The following MYO18B variants were observed in gnomAD, a reference collection of about 807,000 sequenced individuals.
MYO18B encodes unconventional myosin-XVIIIb.
In MYO18B, 204 loss-of-function variants were observed where a neutral mutation model predicts 273.0. That is an observed-to-expected ratio of 0.75 (90% CI 0.67 to 0.84). The LOEUF is 0.84. Ranked by LOEUF, MYO18B falls within the 40% of genes least tolerant of loss-of-function variation. The pLI, the probability that MYO18B is intolerant of heterozygous loss-of-function variation, is 0.00. For synonymous variants in MYO18B, 1,330 were observed against 1,305.7 expected (o/e 1.02, Z -0.40); for missense variants, 3,212 against 3,287.6 (o/e 0.98, Z 0.56).
Position 25,992,512 on chromosome 22 carries a change from G to C in MYO18B, c.6287+19G>C, listed in dbSNP as rs758266008. On this transcript the variant is annotated intron_variant, in intron 40 of 43. Transcript: ENST00000335473. ...CTGAGAGGTAACTTGCTAGGGGCTC[G>C]GCGGGGCTGGGCGCAGCAGGTGGGC... 1.2e-6 allele frequency: 2 copies of C among 1,613,310 alleles called. No individual in the cohort carries two copies. Among genetic ancestry groups the C allele is most frequent in the Non-Finnish European group, 1.7e-6 (2 of 1,179,718 alleles).
intron 39 of MYO18B, among the ~76,000 whole-genome samples, chr22:25,973,735 C>T (rs978431765): frequency 6.6e-6 from 1 of 152,228 alleles, no homozygotes; most frequent in Non-Finnish European, 1.5e-5. Context: ...TCCTTTTGTG[C>T]ATAATCCAAA....
chr22:25,834,853 A>G (rs375591882), intron 16 of MYO18B, among the ~76,000 whole-genome samples: 1 of 152,254 alleles, frequency 6.6e-6, no homozygotes, highest in African/African-American at 2.4e-5. Context: ...TAAAAAATAC[A>G]AGGACTTCTT....
At chr22:25,916,819 G>T (rs528571571) in intron 33 of MYO18B, among the ~76,000 whole-genome samples, 32 of 152,272 alleles carry the variant, frequency 2.1e-4, no homozygotes, top group African/African-American at 7.7e-4. Flanking sequence ...ATCATTTGAG[G>T]TCAGGAGTTC....
At chr22:25,853,467 G>GT (rs2090482256) in intron 21 of MYO18B, among the ~76,000 whole-genome samples, 1 of 152,196 alleles carries the variant, frequency 6.6e-6, no homozygotes, top group Non-Finnish European at 1.5e-5. Context: ...CCTTCTCTGG[G>GT]TAGTGGCCCA....
intron 34 of MYO18B, among the ~76,000 whole-genome samples, chr22:25,937,488 A>G (rs1372053599): frequency 1.3e-5 from 2 of 152,184 alleles, no homozygotes; most frequent in African/African-American, 4.8e-5. Context: ...AAAGGCACCA[A>G]GAGTAGCCAC....
At position 25,952,364 on chromosome 22, in the gene MYO18B, G is replaced by T. The variant is rs754872488; in HGVS notation, c.5911G>T (p.Val1971Phe). Residue 1971 changes from valine (V) to phenylalanine (F), a missense_variant, in exon 38 of 44, where the codon GTC (valine) becomes TTC (phenylalanine). Physicochemically the swap from Val to Phe is conservative, Grantham distance 50 (BLOSUM62 -1). Coordinates refer to ENST00000335473, the MANE Select transcript of MYO18B (RefSeq NM_032608.7). ...AGCCATCGTCAGCAGGCAGGAGGCGGTCATCTGTGACCTAGAGAACAAGAC... is the reference window on the plus strand; with the variant it reads ...AGCCATCGTCAGCAGGCAGGAGGCGTTCATCTGTGACCTAGAGAACAAGAC... ...DRAIVSRQEA[V>F]ICDLENKTEF... 6.2e-7 allele frequency: 1 copy of T among 1,612,724 alleles called. No homozygotes were observed. Among genetic ancestry groups the T allele is most frequent in the Non-Finnish European group, 8.5e-7 (1 of 1,179,462 alleles).
intron 40 of MYO18B, among the ~76,000 whole-genome samples, chr22:25,993,114 A>G (rs2093286850): frequency 6.6e-6 from 1 of 152,128 alleles, no homozygotes; most frequent in African/African-American, 2.4e-5. Flanking sequence ...TTCTCAGAAG[A>G]TAGGCTACTT....
intron 15 of MYO18B, 25 bp from the exon 16 acceptor site, chr22:25,832,888 GCTAA>G: frequency 6.3e-7 from 1 of 1,592,662 alleles, no homozygotes; most frequent in Non-Finnish European, 8.6e-7. Context: ...CGCTAAAAGT[GCTAA>G]CTTTTAAATC....
chr22:25,998,827 T>A (rs1361761680), intron 40 of MYO18B, among the ~76,000 whole-genome samples: 1 of 152,200 alleles, frequency 6.6e-6, no homozygotes, highest in Non-Finnish European at 1.5e-5. Context: ...AGAAGGTTGA[T>A]GCTGCAGTTC....
At chr22:25,760,722 G>T (rs2086285087) in intron 1 of MYO18B, among the ~76,000 whole-genome samples, 1 of 152,232 alleles carries the variant, frequency 6.6e-6, no homozygotes, top group South Asian at 2.1e-4. Flanking sequence ...GAGCCACTGA[G>T]CTGTACCTTA....
intron 12 of MYO18B, among the ~76,000 whole-genome samples, chr22:25,801,439 G>C (rs1315452307): frequency 6.6e-6 from 1 of 152,136 alleles, no homozygotes; most frequent in Non-Finnish European, 1.5e-5. Flanking sequence ...ATGAATCCTG[G>C]CTCAGCCTCT....
intron 12 of MYO18B, among the ~76,000 whole-genome samples, chr22:25,809,607 C>G (rs1169260515): frequency 6.6e-6 from 1 of 152,152 alleles, no homozygotes; most frequent in Non-Finnish European, 1.5e-5. Context: ...GCTGGCACCT[C>G]ACTCCCCGCC....
At chr22:25,917,372 T>G (rs2092276392) in intron 33 of MYO18B, among the ~76,000 whole-genome samples, 1 of 152,204 alleles carries the variant, frequency 6.6e-6, no homozygotes, top group Non-Finnish European at 1.5e-5. Context: ...TGGTTATATA[T>G]TTAGGTGCAT....
chr22:25,761,180 C>G, intron 2 of MYO18B, 49 bp downstream of exon 2: 1 of 1,603,208 alleles, frequency 6.2e-7, no homozygotes. Flanking sequence ...GGGACTGACT[C>G]GACCCTCGGG....
chr22:25,871,057 C>T (rs2091032689), intron 22 of MYO18B, among the ~76,000 whole-genome samples: 1 of 152,042 alleles, frequency 6.6e-6, no homozygotes, highest in Non-Finnish European at 1.5e-5. Flanking sequence ...TCAATGTGTC[C>T]TTTTGGAGGC....
At chr22:25,908,494 C>A in intron 32 of MYO18B, 62 bp downstream of exon 32, 1 of 1,396,092 alleles carries the variant, frequency 7.2e-7, no homozygotes, top group Non-Finnish European at 9.9e-7. Context: ...TGGATTCCCT[C>A]TTCCTTAGAG....
the MYO18B span, among the ~76,000 whole-genome samples, chr22:26,062,685 C>T: frequency 2.6e-5 from 4 of 152,126 alleles, no homozygotes; most frequent in African/African-American, 4.8e-5. Flanking sequence ...TAAAATATGC[C>T]TGGCTAATAG....
chr22:25,926,347 T>C lies in MYO18B; in HGVS notation c.5517+4938T>C, dbSNP rs78741340. ...CATCCAGGCTGGAGTGTAGTGGCCC[T>C]ATCTCTGGCTCACTGCAAACTCTGC... On this transcript the variant is annotated intron_variant, in intron 34 of 43. Transcript: ENST00000335473. 7.5e-3 allele frequency among the ~76,000 whole-genome samples: 1,147 copies of C among 152,050 alleles called. 20 individuals carry two copies. The highest frequency in any genetic ancestry group is 0.026 in the African/African-American group (1,084 of 41,466).
chr22:25,897,530 T>G (rs1365574898), intron 28 of MYO18B: 1 of 152,220 alleles, frequency 6.6e-6, no homozygotes, highest in Non-Finnish European at 1.5e-5. Flanking sequence ...GTTTCCCTGA[T>G]GAAGGGGGAT....
Sources: allele counts gnomAD v4.1 joint callset (sites outside exome capture counted in the v4.1 genomes callset), GRCh38; gene constraint gnomAD v4.1.1; transcripts MANE v1.5; gene names NCBI Gene and HGNC (gene_info 2026-07-23, HGNC 2026-07-21).